The following SNX29 variants were observed in gnomAD, a reference collection of about 807,000 sequenced individuals.
The protein encoded by SNX29 is sorting nexin 29, also known as sorting nexin-29.
Under a neutral mutation model 102.1 loss-of-function variants are expected in SNX29, and 78 were observed. The observed-to-expected ratio is 0.76, with a 90% CI of 0.64 to 0.92. The LOEUF (loss-of-function observed/expected upper bound fraction) is 0.92, where lower values mean the gene tolerates loss of function less well. Ranked by LOEUF, SNX29 falls within the 40% of genes least tolerant of loss-of-function variation. The pLI, the probability that SNX29 is intolerant of heterozygous loss-of-function variation, is 0.00. For missense variants in SNX29, 1,280 were observed against 1,061.7 expected (o/e 1.21, Z -2.86); for synonymous variants, 580 against 414.5 (o/e 1.40, Z -4.85).
At chr16:12,181,435 C>T (rs1366108559) in intron 13 of SNX29, among the ~76,000 whole-genome samples, 1 of 152,182 alleles carries the variant, frequency 6.6e-6, no homozygotes, top group Non-Finnish European at 1.5e-5. Flanking sequence ...CAAATAGTTG[C>T]ATTCTTTTGA....
chr16:12,307,033 C>G (rs1433616021), intron 15 of SNX29, among the ~76,000 whole-genome samples: 1 of 151,932 alleles, frequency 6.6e-6, no homozygotes, highest in Non-Finnish European at 1.5e-5. Context: ...ATGGGCCTTA[C>G]AAGGGAGGGG....
At position 12,569,557 on chromosome 16, in the gene SNX29, ATG is replaced by A. The variant is rs1187510119; in HGVS notation, c.*932_*933del. ...ACCCAGTGTGGACACTTAACAGATC[ATG>A]TGTCTCTCCACTAAAAACATTTTCC... On this transcript the variant is annotated 3_prime_UTR_variant, in exon 21 of 21. Coordinates refer to ENST00000566228, the MANE Select transcript of SNX29 (RefSeq NM_032167.5). 4.3e-6 allele frequency: 1 copy of A among 231,020 alleles called. No homozygotes were observed. The highest frequency in any genetic ancestry group is 8.6e-6 in the Non-Finnish European group (1 of 116,762). The allele number at this position is 231,020 out of a possible 1,614,324, so 14.3% of individuals were successfully genotyped here. A position where few individuals can be genotyped will look rare whatever the true frequency, so the allele number is the denominator to read the frequency against.
At chr16:12,002,639 G>T (rs889784549) in intron 2 of SNX29, among the ~76,000 whole-genome samples, 1 of 152,210 alleles carries the variant, frequency 6.6e-6, no homozygotes, top group African/African-American at 2.4e-5. Flanking sequence ...ATTATCGCCC[G>T]TGAAGAGCTG....
chr16:12,477,537 G>A (rs2087711886), intron 18 of SNX29, among the ~76,000 whole-genome samples, 182 bp from the exon 19 acceptor site: 1 of 152,178 alleles, frequency 6.6e-6, no homozygotes, highest in Non-Finnish European at 1.5e-5. Context: ...ATTCTTGCCT[G>A]TACCCATCTG....
At position 12,563,376 on chromosome 16, in the gene SNX29, T is replaced by C. The variant is rs145383360; in HGVS notation, c.2319-5130T>C. On this transcript the variant is annotated intron_variant, in intron 20 of 20. Transcript: ENST00000566228. ...AGCCTGTCTTTTATCGCCACGTTGA[T>C]ATTTTACCCGTAACCATGAAAATAG... Among the ~76,000 whole-genome samples the C allele has an allele frequency of 3.5e-3, 540 of 152,346 alleles. 2 individuals are homozygous for C. Among genetic ancestry groups the C allele is most frequent in the African/African-American group, 0.012 (510 of 41,582 alleles).
At chr16:12,056,942 C>T (rs1371126535) in intron 8 of SNX29, among the ~76,000 whole-genome samples, 1 of 140,572 alleles carries the variant, frequency 7.1e-6, no homozygotes, top group Non-Finnish European at 1.6e-5. Flanking sequence ...CTGCCTCAGC[C>T]TCCTGAGTAG....
chr16:12,500,503 A>T (rs900977016), intron 19 of SNX29, among the ~76,000 whole-genome samples: 1 of 152,232 alleles, frequency 6.6e-6, no homozygotes, highest in Non-Finnish European at 1.5e-5. Context: ...CCATGCCGTT[A>T]TGTGGATGAG....
chr16:11,994,570 A>G lies in SNX29; in HGVS notation c.8-4727A>G, dbSNP rs574923057. Among the ~76,000 whole-genome samples the G allele has an allele frequency of 3.3e-5, 5 of 152,300 alleles. 1 individual carries two copies. The Middle Eastern group carries it at 0.01, about 311-fold the overall frequency. ...ACTTCCCATGAGTCTAGCCCTGGGT[A>G]AAGGTCTTTTCCTCTCTGAGTCACA... On this transcript the variant is annotated intron_variant, in intron 1 of 20. Transcript: ENST00000566228.
At chr16:11,982,381 G>GTT (rs1279088265) in intron 1 of SNX29, among the ~76,000 whole-genome samples, 1 of 149,130 alleles carries the variant, frequency 6.7e-6, no homozygotes, top group Non-Finnish European at 1.5e-5. Context: ...TTTGTCTTTT[G>GTT]TAAGTCTTCA....
intron 19 of SNX29, among the ~76,000 whole-genome samples, chr16:12,494,354 C>T (rs1485521547): frequency 5.3e-5 from 8 of 152,200 alleles, no homozygotes; most frequent in Admixed American, 3.9e-4. Context: ...TCTCCTTCCT[C>T]GCTGGACTTG....
At chr16:12,300,544 C>G (rs2080135306) in intron 15 of SNX29, among the ~76,000 whole-genome samples, 1 of 152,116 alleles carries the variant, frequency 6.6e-6, no homozygotes, top group Non-Finnish European at 1.5e-5. Context: ...ACCTCAGTCC[C>G]TTTTTAATTC....
chr16:12,315,447 G>A (rs1344687889), intron 15 of SNX29, among the ~76,000 whole-genome samples: 1 of 152,182 alleles, frequency 6.6e-6, no homozygotes, highest in East Asian at 1.9e-4. Context: ...CATTTGTTAT[G>A]TGGATGGAAT....
At chr16:12,321,541 A>G (rs1319008584) in intron 15 of SNX29, among the ~76,000 whole-genome samples, 1 of 152,082 alleles carries the variant, frequency 6.6e-6, no homozygotes, top group East Asian at 1.9e-4. Flanking sequence ...CCTTTGAGAG[A>G]GCGGGGGGAG....
intron 18 of SNX29, among the ~76,000 whole-genome samples, chr16:12,446,475 C>T (rs545175191): frequency 6.6e-6 from 1 of 152,198 alleles, no homozygotes; most frequent in Non-Finnish European, 1.5e-5. Context: ...GTAACTGCCT[C>T]TAATTGAGTG....
rs201509062 is a variant in SNX29, at chr16:12,378,670, A to G, written c.1900-19776A>G. Among the ~76,000 whole-genome samples, 3 of 152,200 alleles carry G rather than the reference A, an allele frequency of 2.0e-5. No homozygotes were observed. In the East Asian group the frequency reaches 5.8e-4, roughly 29 times the overall value. ...TTCCAACATTGGGGGATGAATTTCA[A>G]CATGAGGTTTGGAGGGAGCAGGCAT... is the stretch of plus-strand genomic sequence containing the variant. On this transcript the variant is annotated intron_variant, in intron 16 of 20. Coordinates refer to ENST00000566228, the MANE Select transcript of SNX29 (RefSeq NM_032167.5).
At chr16:12,329,691 GGCTCACA>G (rs372214365) in intron 15 of SNX29, among the ~76,000 whole-genome samples, 53 of 152,318 alleles carry the variant, frequency 3.5e-4, no homozygotes, top group African/African-American at 1.2e-3. Flanking sequence ...GCTATGCGTT[GGCTCACA>G]GTTCACTGGC....
At chr16:12,156,970 G>C (rs962624053) in intron 13 of SNX29, among the ~76,000 whole-genome samples, 21 of 152,180 alleles carry the variant, frequency 1.4e-4, no homozygotes, top group Non-Finnish European at 2.9e-5. Context: ...TGTTTCTCCT[G>C]GGAGCAGAGC....
At chr16:12,360,510 C>G (rs533078690) in intron 16 of SNX29, among the ~76,000 whole-genome samples, 1 of 152,144 alleles carries the variant, frequency 6.6e-6, no homozygotes, top group Non-Finnish European at 1.5e-5. Flanking sequence ...TTTGCCCCAA[C>G]GATGTCACAG....
intron 19 of SNX29, among the ~76,000 whole-genome samples, chr16:12,523,284 C>T (rs1181426127): frequency 1.3e-5 from 2 of 152,238 alleles, no homozygotes; most frequent in Non-Finnish European, 2.9e-5. Context: ...TACCGAGGCC[C>T]ACTGCAGACA....
Sources: gnomAD v4.1 joint callset for allele counts (sites outside exome capture counted in the v4.1 genomes callset) on GRCh38, gnomAD v4.1.1 for gene constraint, MANE v1.5 for transcripts, NCBI Gene and HGNC (gene_info 2026-07-23, HGNC 2026-07-21) for gene names.